Variants in GLYATL2 observed in about 807,000 individuals in gnomAD.
The protein encoded by GLYATL2 is glycine-N-acyltransferase like 2, also known as glycine N-acyltransferase-like protein 2.
GLYATL2 carries 25 observed loss-of-function variants against 21.4 expected under a neutral mutation model. The observed-to-expected ratio is 1.17, with a 90% CI of 0.85 to 1.63. The LOEUF (loss-of-function observed/expected upper bound fraction) is 1.63, where lower values mean the gene tolerates loss of function less well. Ranked by LOEUF, GLYATL2 falls within the 40% of genes most tolerant of loss-of-function variation. The pLI, the probability that GLYATL2 is intolerant of heterozygous loss-of-function variation, is 0.00. For missense variants in GLYATL2, 361 were observed against 343.3 expected, an observed-to-expected ratio of 1.05 and a Z score of -0.41; for synonymous variants, 114 against 118.2, an observed-to-expected ratio of 0.96 and a Z score of 0.23.
At position 58,885,096 on chromosome 11, in the gene GLYATL2, C is replaced by A. The variant is rs144851551; in HGVS notation, n.60+19060G>T. 334 of 153,268 alleles carry A rather than the reference C, an allele frequency of 2.2e-3. 4 individuals are homozygous for A. The highest frequency in any genetic ancestry group is 0.016 in the South Asian group (79 of 4,848). The allele number at this position is 153,268 out of a possible 1,614,324, so 9.5% of individuals were successfully genotyped here. The stretch of plus-strand genomic sequence containing the variant: ...ACTTTTCTGTGCCTTTACCTTTGGT[C>A]TTTTCATCAATGAAATGGGAATAAT... On this transcript the variant is annotated intron_variant and non_coding_transcript_variant, in intron 1 of 4. Coordinates refer to the GLYATL2 transcript ENST00000533636.
At chr11:58,851,372 T>C (rs559442181) in intron 1 of GLYATL2, among the ~76,000 whole-genome samples, 2 of 152,338 alleles carry the variant, frequency 1.3e-5, no homozygotes, top group African/African-American at 4.8e-5. Flanking sequence ...TTCATTCTGT[T>C]GATATGGTGT....
At chr11:58,906,015 C>G (rs2134635730), upstream of GLYATL2, among the ~76,000 whole-genome samples, 1 of 152,346 alleles carries the variant, frequency 6.6e-6, no homozygotes, top group South Asian at 2.1e-4. Flanking sequence ...GGGAAAAGTT[C>G]AGCTTAGACA....
At position 58,834,286 on chromosome 11, in the gene GLYATL2, G is replaced by C; in HGVS notation, c.*143C>G. On this transcript the variant is annotated 3_prime_UTR_variant, in exon 6 of 6. Coordinates refer to ENST00000287275, the MANE Select transcript of GLYATL2 (RefSeq NM_145016.4). ...TGTAAGAATACAGAGGAGAAGGAAG[G>C]TAAAACTGTTAAGGGTGAGCTTAAG... 1.7e-6 allele frequency: 1 copy of C among 576,014 alleles called. No individual in the cohort carries two copies. The highest frequency in any genetic ancestry group is 2.8e-6 in the Non-Finnish European group (1 of 352,600). The allele number at this position is 576,014 out of a possible 1,614,324, so 35.7% of individuals were successfully genotyped here.
chr11:58,861,033 C>T, intron 1 of GLYATL2, among the ~76,000 whole-genome samples: 1 of 152,056 alleles, frequency 6.6e-6, no homozygotes, highest in Non-Finnish European at 1.5e-5. Context: ...CTATGTTCAT[C>T]AGTGCTATTG....
intron 1 of GLYATL2, among the ~76,000 whole-genome samples, chr11:58,857,935 A>C (rs1203326459): frequency 6.6e-6 from 1 of 150,422 alleles, no homozygotes; most frequent in Non-Finnish European, 1.5e-5. Context: ...AACAAACAAA[A>C]AATATCTTAC....
intron 1 of GLYATL2, chr11:58,892,568 G>T: frequency 4.2e-6 from 1 of 236,778 alleles, no homozygotes. Context: ...ACTCAAGTCT[G>T]AGAATTATTA....
At chr11:58,844,956 G>T (rs1405368676), upstream of GLYATL2, among the ~76,000 whole-genome samples, 1 of 152,160 alleles carries the variant, frequency 6.6e-6, no homozygotes, top group African/African-American at 2.4e-5. Context: ...GTAATAATGA[G>T]AACTCAGTTT....
At chr11:58,872,831 G>A (rs1018919326) in intron 1 of GLYATL2, among the ~76,000 whole-genome samples, 5 of 152,170 alleles carry the variant, frequency 3.3e-5, no homozygotes, top group African/African-American at 1.2e-4. Context: ...GAAAGTCATT[G>A]GTAGCTTGAT....
intron 1 of GLYATL2, among the ~76,000 whole-genome samples, chr11:58,882,573 C>T (rs569430742): frequency 2.0e-5 from 3 of 152,262 alleles, no homozygotes; most frequent in Non-Finnish European, 4.4e-5. Context: ...CATGCAGAAG[C>T]TCTTTAGTTT....
chr11:58,903,525 T>C (rs1021786594), intron 1 of GLYATL2, among the ~76,000 whole-genome samples: 2 of 151,906 alleles, frequency 1.3e-5, no homozygotes, highest in South Asian at 4.2e-4. Context: ...ATACAAAAAG[T>C]ATCCGGGCGT....
chr11:58,892,919 AAG>A (rs1854569693), intron 1 of GLYATL2: 1 of 297,116 alleles, frequency 3.4e-6, no homozygotes, highest in Non-Finnish European at 6.6e-6. Context: ...TTTTGGAATA[AAG>A]AGAGGATGAA....
chr11:58,879,854 G>GTTTTTTTTTTTTTTTTT (rs71064495), intron 1 of GLYATL2, among the ~76,000 whole-genome samples: 1 of 130,108 alleles, frequency 7.7e-6, no homozygotes, highest in Non-Finnish European at 1.7e-5. Context: ...TTTTTTCCTT[G>GTTTTTTTTTTTTTTTTT]TTTTTTTTTT....
intron 1 of GLYATL2, among the ~76,000 whole-genome samples, chr11:58,888,343 T>C (rs569443018): frequency 6.6e-6 from 1 of 152,192 alleles, no homozygotes; most frequent in East Asian, 1.9e-4. Context: ...TTTCACTATG[T>C]CCTCTGAGTT....
chr11:58,903,476 C>A (rs1854773279), intron 1 of GLYATL2, among the ~76,000 whole-genome samples: 1 of 152,040 alleles, frequency 6.6e-6, no homozygotes, highest in African/African-American at 2.4e-5. Flanking sequence ...AGTTCGACCC[C>A]AGACTTGCCA....
intron 1 of GLYATL2, chr11:58,878,460 C>A: frequency 3.5e-6 from 1 of 282,206 alleles, no homozygotes; most frequent in Non-Finnish European, 6.1e-6. Flanking sequence ...AATTTGTGAT[C>A]GAAACTGGGT....
In GLYATL2 at chr11:58,839,864, T is replaced by A. The variant is rs1011962680; in HGVS notation, c.-40-212A>T. 4.8e-5 allele frequency among the ~76,000 whole-genome samples: 7 copies of A among 145,326 alleles called. No homozygotes were observed. In the East Asian group the frequency reaches 1.1e-3, roughly 22 times the overall value. ...GGCTCCTTAGTAATCTCCATACAAT[T>A]CCACTTAAAAAGTACATTAACATAT... On this transcript the variant is annotated intron_variant, in intron 1 of 5. Coordinates refer to ENST00000287275, the MANE Select transcript of GLYATL2 (RefSeq NM_145016.4).
intron 1 of GLYATL2, chr11:58,840,717 T>C (rs1165304476): frequency 6.6e-6 from 1 of 151,964 alleles, no homozygotes; most frequent in Non-Finnish European, 1.5e-5. Context: ...TGAGTGTCAG[T>C]AGTCCCAGCT....
chr11:58,896,003 C>T (rs1854628429), intron 1 of GLYATL2, among the ~76,000 whole-genome samples: 1 of 152,106 alleles, frequency 6.6e-6, no homozygotes, highest in African/African-American at 2.4e-5. Flanking sequence ...CAGGCGCCCA[C>T]CACCACGCCT....
At chr11:58,877,140 C>T (rs1008570049) in intron 1 of GLYATL2, among the ~76,000 whole-genome samples, 3 of 151,908 alleles carry the variant, frequency 2.0e-5, no homozygotes, top group African/African-American at 7.3e-5. Flanking sequence ...GTTGGAAAAG[C>T]ACAGTATTAG....
Sources: gnomAD v4.1 joint callset for allele counts (sites outside exome capture counted in the v4.1 genomes callset) on GRCh38, gnomAD v4.1.1 for gene constraint, MANE v1.5 for transcripts, NCBI Gene and HGNC (gene_info 2026-07-23, HGNC 2026-07-21) for gene names.